The following LANCL3 variants were observed in gnomAD, a reference collection of about 807,000 sequenced individuals.
LANCL3 encodes the protein lanC-like protein 3.
A neutral mutation model predicts 26.5 loss-of-function variants in LANCL3; 19 were observed. The observed-to-expected ratio is 0.72, with a 90% CI of 0.50 to 1.05. The LOEUF is 1.05. LANCL3 is among the 50% of genes least tolerant of loss of function. The pLI, the probability that LANCL3 is intolerant of heterozygous loss-of-function variation, is 0.00. For missense variants in LANCL3, 318 were observed against 362.7 expected (o/e 0.88, Z 1.00); for synonymous variants, 160 against 166.6 (o/e 0.96, Z 0.30).
At chrX:37,610,951 A>C (rs1556421082) in intron 1 of LANCL3, among the ~76,000 whole-genome samples, 2 of 111,875 alleles carry the variant, frequency 1.8e-5, no homozygotes, top group Non-Finnish European at 3.8e-5. Context: ...ATAGTGAGGG[A>C]GTGCAAAGTG....
intron 1 of LANCL3, among the ~76,000 whole-genome samples, chrX:37,587,749 G>T (rs1308948917): frequency 8.9e-6 from 1 of 112,436 alleles, no homozygotes; most frequent in Non-Finnish European, 1.9e-5. Context: ...CTTCCCGGGT[G>T]AGGGGATGCC....
rs1926786456 is a variant in LANCL3, at chrX:37,675,767, T to G, written c.1217T>G (p.Leu406Arg). ...ACAGTGTGCTTTCTGATTGACCTGC[T>G]GCAGCCCAATCAGGCTGAATTCCCA... is the stretch of plus-strand genomic sequence containing the variant. ...SGTVCFLIDL[L>R]QPNQAEFPLF... Residue 406 changes from leucine to arginine, a missense_variant, in exon 5 of 5, where the codon CTG (leucine) becomes CGG (arginine). Physicochemically the swap from Leu to Arg is moderately radical, Grantham distance 102. Transcript: ENST00000378619. 1 of 1,159,087 alleles carries G rather than the reference T, an allele frequency of 8.6e-7. No individual in the cohort carries two copies. Among genetic ancestry groups the G allele is most frequent in the Non-Finnish European group, 1.2e-6 (1 of 869,153 alleles).
At chrX:37,641,761 A>G (rs1925869217) in intron 1 of LANCL3, among the ~76,000 whole-genome samples, 1 of 111,780 alleles carries the variant, frequency 8.9e-6, no homozygotes, top group Non-Finnish European at 1.9e-5. Flanking sequence ...CAAATTGTTC[A>G]GATATTGTTC....
intron 2 of LANCL3, among the ~76,000 whole-genome samples, chrX:37,658,843 G>A (rs1602132358): frequency 8.9e-6 from 1 of 112,393 alleles, no homozygotes; most frequent in East Asian, 2.8e-4. Flanking sequence ...TTAAGTAAAT[G>A]AATATCAATA....
chrX:37,669,938 A>G (rs1926640925), intron 4 of LANCL3, among the ~76,000 whole-genome samples: 2 of 112,348 alleles, frequency 1.8e-5, no homozygotes, highest in African/African-American at 6.5e-5. Flanking sequence ...ACAATTTTTA[A>G]GGGACATTCT....
At chrX:37,603,483 C>G (rs960069969) in intron 1 of LANCL3, among the ~76,000 whole-genome samples, 2 of 112,163 alleles carry the variant, frequency 1.8e-5, no homozygotes, top group African/African-American at 6.5e-5. Context: ...AGAGCAGACC[C>G]GAAACCTCAA....
At chrX:37,579,957 C>T (rs1348773475) in intron 1 of LANCL3, among the ~76,000 whole-genome samples, 2 of 111,549 alleles carry the variant, frequency 1.8e-5, no homozygotes, top group African/African-American at 3.3e-5. Flanking sequence ...GCTAAACTGA[C>T]GAGTATAAAA....
At chrX:37,599,123 C>T (rs1924514475) in intron 1 of LANCL3, among the ~76,000 whole-genome samples, 1 of 111,732 alleles carries the variant, frequency 8.9e-6, no homozygotes, top group African/African-American at 3.3e-5. Flanking sequence ...TGTTACTAGT[C>T]TACACGATGT....
intron 1 of LANCL3, among the ~76,000 whole-genome samples, chrX:37,631,735 G>C (rs1556424381): frequency 9.0e-6 from 1 of 111,524 alleles, no homozygotes; most frequent in East Asian, 2.8e-4. Context: ...GGAGCAGGTT[G>C]TTCAGTTTCC....
intron 1 of LANCL3, among the ~76,000 whole-genome samples, chrX:37,650,023 C>T (rs1926095231): frequency 9.0e-6 from 1 of 110,848 alleles, no homozygotes; most frequent in African/African-American, 3.3e-5. Context: ...AGATCCCGGC[C>T]AGGCGTGGTG....
intron 2 of LANCL3, among the ~76,000 whole-genome samples, chrX:37,658,952 A>T (rs782629033): frequency 8.9e-6 from 1 of 112,811 alleles, no homozygotes; most frequent in South Asian, 3.6e-4. Context: ...GATGCTTAAT[A>T]CTTGTGTGTC....
rs1926956927 is a variant in LANCL3, at chrX:37,682,232, A to C, written c.*6419A>C. ...ATTCTCCTGCCTCAGCCTCCCAAGTAGCTGGGACTACAGGCGCCCGCCACT... is the reference window on the plus strand; with the variant it reads ...ATTCTCCTGCCTCAGCCTCCCAAGTCGCTGGGACTACAGGCGCCCGCCACT... On this transcript the variant is annotated 3_prime_UTR_variant, in exon 5 of 5. Coordinates refer to ENST00000378619, the MANE Select transcript of LANCL3 (RefSeq NM_001170331.2). The C allele has an allele frequency of 9.6e-6, 1 of 104,522 alleles. No individual in the cohort carries two copies. The highest frequency in any genetic ancestry group is 4.4e-4 in the South Asian group (1 of 2,281). The allele number at this position is 104,522 out of a possible 1,213,427, so 8.6% of individuals were successfully genotyped here.
Position 37,571,914 on chromosome X carries a change from A to G in LANCL3, c.44A>G (p.Gln15Arg). Residue 15 changes from glutamine to arginine, a missense_variant, in exon 1 of 5, where the codon CAG becomes CGG. Gln to Arg is a conservative substitution (Grantham distance 43). Coordinates refer to ENST00000378619, the MANE Select transcript of LANCL3 (RefSeq NM_001170331.2). ...TTCGCCAATCGCTTCGATGACTACC[A>G]GGGCAGCCTGCTGGCGGGCCAGTGT... ...RCFANRFDDY[Q>R]GSLLAGQCEE... The G allele has an allele frequency of 5.0e-6, 6 of 1,207,405 alleles. No individual in the cohort carries two copies. Among genetic ancestry groups the G allele is most frequent in the Non-Finnish European group, 6.7e-6 (6 of 894,308 alleles).
intron 1 of LANCL3, among the ~76,000 whole-genome samples, chrX:37,654,813 A>G (rs1192132808): frequency 8.9e-6 from 1 of 112,212 alleles, no homozygotes; most frequent in Non-Finnish European, 1.9e-5. Flanking sequence ...AAGAACTGAT[A>G]GTCTAGTGAG....
chrX:37,628,971 G>C (rs1185491378), intron 1 of LANCL3, among the ~76,000 whole-genome samples: 2 of 110,212 alleles, frequency 1.8e-5, no homozygotes, highest in African/African-American at 6.6e-5. Context: ...CCAGTAATGG[G>C]ATGGCTGGGT....
At position 37,634,496 on chromosome X, in the gene LANCL3, C is replaced by T. The variant is rs375803856; in HGVS notation, c.574-21192C>T. ...ACTCCCTAGTGAGATGAACCCGGTA[C>T]CTCAGATGGAAATGCAGAAATCACC... On this transcript the variant is annotated intron_variant, in intron 1 of 4. Transcript: ENST00000378619. Among the ~76,000 whole-genome samples the T allele has an allele frequency of 6.2e-5, 7 of 112,777 alleles. No individual in the cohort carries two copies. In the East Asian group the frequency reaches 1.1e-3, roughly 18 times the overall value.
intron 1 of LANCL3, among the ~76,000 whole-genome samples, chrX:37,586,759 G>C (rs782493194): frequency 8.9e-6 from 1 of 111,865 alleles, no homozygotes. Flanking sequence ...CCTTTAGCTC[G>C]GAGAAGTTTG....
In LANCL3 at chrX:37,574,915, G is replaced by GTA. The variant is rs57888407; in HGVS notation, c.573+2489_573+2490dup. ...TGTGTGTGTGTGTGTGTGTGTGTATGTATATATATATATATATAATTTTTT... is the reference window on the plus strand; with the variant it reads ...TGTGTGTGTGTGTGTGTGTGTGTATGTATATATATATATATATATAATTTTTT... On this transcript the variant is annotated intron_variant, in intron 1 of 4. Transcript: ENST00000378619. 9.8e-3 allele frequency among the ~76,000 whole-genome samples: 1,001 copies of GTA among 102,188 alleles called. 10 individuals carry two copies. The highest frequency in any genetic ancestry group is 0.028 in the South Asian group (63 of 2,275). 88.7% of individuals were successfully genotyped at this position (102,188 alleles called of 115,157 possible).
intron 1 of LANCL3, among the ~76,000 whole-genome samples, chrX:37,590,332 G>A (rs782065820): frequency 2.7e-4 from 30 of 112,725 alleles, no homozygotes; most frequent in Non-Finnish European, 5.1e-4. Flanking sequence ...GTTTTCCTCA[G>A]CAAATGTTCC....
Sources: gnomAD v4.1 joint callset for allele counts (sites outside exome capture counted in the v4.1 genomes callset) on GRCh38, gnomAD v4.1.1 for gene constraint, MANE v1.5 for transcripts, NCBI Gene and HGNC (gene_info 2026-07-23, HGNC 2026-07-21) for gene names.